Variants in BAIAP2 observed in about 807,000 individuals in gnomAD.
BAIAP2 encodes BAR/IMD domain containing adaptor protein 2.
Under a neutral mutation model 63.0 loss-of-function variants are expected in BAIAP2, and 18 were observed. The ratio of observed to expected loss-of-function variants is 0.29; its 90% CI spans 0.20 to 0.42. BAIAP2 has a LOEUF of 0.42. Among genes scored for constraint, BAIAP2 ranks in the 10% least tolerant of loss-of-function variants. The pLI is 1.00. For missense variants in BAIAP2, 610 were observed against 734.3 expected (o/e 0.83, Z 1.96); for synonymous variants, 386 against 307.6 (o/e 1.25, Z -2.67).
chr17:81,035,703 GGGCCGGGGC>G (rs1302837160), intron 1 of BAIAP2, among the ~76,000 whole-genome samples: 1 of 150,438 alleles, frequency 6.6e-6, no homozygotes, highest in African/African-American at 2.5e-5. Flanking sequence ...CACCCGGGCA[GGGCCGGGGC>G]GGCGGGGGCG....
intron 1 of BAIAP2, chr17:81,036,829 C>T (rs1265172076): frequency 2.0e-6 from 3 of 1,495,634 alleles, no homozygotes; most frequent in Non-Finnish European, 2.7e-6. Flanking sequence ...AATTATTAGT[C>T]ATTAGCTCCA....
At chr17:81,096,343 G>T (rs1310916988) in intron 6 of BAIAP2, among the ~76,000 whole-genome samples, 2 of 152,172 alleles carry the variant, frequency 1.3e-5, no homozygotes, top group Non-Finnish European at 2.9e-5. Context: ...GTGCGTTGGG[G>T]GTTTCTCCAT....
At chr17:81,071,135 A>T (rs934404165) in intron 3 of BAIAP2, among the ~76,000 whole-genome samples, 7 of 151,298 alleles carry the variant, frequency 4.6e-5, no homozygotes, top group Admixed American at 3.3e-4. Flanking sequence ...CCCGCTGGCC[A>T]CATTCCATTT....
intron 7 of BAIAP2, among the ~76,000 whole-genome samples, chr17:81,103,247 T>A (rs1264863724): frequency 6.6e-6 from 1 of 152,228 alleles, no homozygotes; most frequent in Non-Finnish European, 1.5e-5. Flanking sequence ...CCGCGGGCGT[T>A]GAGCCTGGGT....
chr17:81,113,813 C>T (rs915726973), intron 13 of BAIAP2, among the ~76,000 whole-genome samples: 2 of 152,300 alleles, frequency 1.3e-5, no homozygotes, highest in East Asian at 1.9e-4. Flanking sequence ...TGCAGCTCCC[C>T]GTGGGGTCCA....
intron 3 of BAIAP2, among the ~76,000 whole-genome samples, chr17:81,064,302 G>C (rs1312912808): frequency 6.6e-6 from 1 of 152,200 alleles, no homozygotes; most frequent in African/African-American, 2.4e-5. Flanking sequence ...AGGTGGCCTC[G>C]GGCTATGTAG....
chr17:81,077,073 T>C (rs1166280480), intron 3 of BAIAP2, among the ~76,000 whole-genome samples: 6 of 152,142 alleles, frequency 3.9e-5, no homozygotes, highest in Non-Finnish European at 7.3e-5. Context: ...CATGTGTGAT[T>C]GCAGTGATTG....
intron 3 of BAIAP2, among the ~76,000 whole-genome samples, chr17:81,059,532 A>G (rs1464270598): frequency 6.6e-6 from 1 of 151,844 alleles, no homozygotes; most frequent in Non-Finnish European, 1.5e-5. Flanking sequence ...GTGGCCTTGA[A>G]CTCATGGGCT....
At chr17:81,067,011 G>A (rs898497983) in intron 3 of BAIAP2, among the ~76,000 whole-genome samples, 2 of 152,250 alleles carry the variant, frequency 1.3e-5, no homozygotes, top group African/African-American at 2.4e-5. Flanking sequence ...ACATCCCCGA[G>A]GGGGCCTGAC....
chr17:81,051,411 A>T (rs984568318), intron 1 of BAIAP2, among the ~76,000 whole-genome samples: 3 of 151,842 alleles, frequency 2.0e-5, no homozygotes, highest in Non-Finnish European at 4.4e-5. Flanking sequence ...GTATTTATGT[A>T]TTTTTTTGAG....
chr17:81,074,345 C>T (rs117358982), intron 3 of BAIAP2, among the ~76,000 whole-genome samples: 1,727 of 146,830 alleles, frequency 0.012, 16 homozygotes, highest in Non-Finnish European at 0.019. Context: ...TGTGAGTGTG[C>T]GTGCACTGGT....
intron 13 of BAIAP2, chr17:81,109,726 G>C (rs2059668432): frequency 1.0e-6 from 1 of 985,274 alleles, no homozygotes; most frequent in African/African-American, 1.7e-5. Flanking sequence ...CTCACCTCCC[G>C]TCGGGCACTG....
intron 1 of BAIAP2, among the ~76,000 whole-genome samples, chr17:81,039,780 G>A (rs1048209891): frequency 1.3e-5 from 2 of 152,196 alleles, no homozygotes; most frequent in Non-Finnish European, 2.9e-5. Context: ...CTGGCTACAG[G>A]CACCATGGGC....
chr17:81,110,304 T>C (rs1211292691), intron 13 of BAIAP2: 4 of 986,096 alleles, frequency 4.1e-6, no homozygotes, highest in Non-Finnish European at 4.8e-6. Flanking sequence ...GTAGAGACCC[T>C]TCCGCGCCGG....
intron 3 of BAIAP2, among the ~76,000 whole-genome samples, chr17:81,069,300 C>T (rs567036695): frequency 1.3e-5 from 2 of 152,338 alleles, no homozygotes; most frequent in South Asian, 4.1e-4. Context: ...AGACTGAACA[C>T]GTGCACACAC....
chr17:81,086,691 C>CA, intron 6 of BAIAP2, 111 bp downstream of exon 6: 2 of 1,274,858 alleles, frequency 1.6e-6, no homozygotes, highest in Non-Finnish European at 1.1e-6. Flanking sequence ...TGCGATCAGA[C>CA]AGAGGCAGGC....
rs2060501030 is a variant in BAIAP2, at chr17:81,115,901, C to T, written c.*62C>T. 6.2e-7 allele frequency: 1 copy of T among 1,601,106 alleles called. No individual in the cohort carries two copies. Among genetic ancestry groups the T allele is most frequent in the Non-Finnish European group, 8.5e-7 (1 of 1,174,172 alleles). On this transcript the variant is annotated 3_prime_UTR_variant, in exon 14 of 14. Transcript: ENST00000428708. Reference sequence around the variant, plus strand: ...CCCCGCCCTTCCCATGTAGCCTGTTCTGTCATCATCTGTGCGTTCCTGTGT... The same window carrying T: ...CCCCGCCCTTCCCATGTAGCCTGTTTTGTCATCATCTGTGCGTTCCTGTGT...
At chr17:81,042,778 A>G (rs929202887) in intron 1 of BAIAP2, among the ~76,000 whole-genome samples, 1 of 152,134 alleles carries the variant, frequency 6.6e-6, no homozygotes, top group Non-Finnish European at 1.5e-5. Flanking sequence ...GAATCTGTCC[A>G]GTAGAGGGTT....
intron 13 of BAIAP2, chr17:81,109,897 G>C (rs914634678): frequency 2.0e-6 from 2 of 985,356 alleles, no homozygotes; most frequent in African/African-American, 3.5e-5. Context: ...TGTGCGGGCC[G>C]GGCCCGGCTG....
Sources: allele counts gnomAD v4.1 joint callset (sites outside exome capture counted in the v4.1 genomes callset), GRCh38; gene constraint gnomAD v4.1.1; transcripts MANE v1.5; gene names NCBI Gene and HGNC (gene_info 2026-07-23, HGNC 2026-07-21).